The following USP36 variants were observed in gnomAD, a reference collection of about 807,000 sequenced individuals.
USP36 encodes the protein ubiquitin specific peptidase 36.
Under a neutral mutation model 111.5 loss-of-function variants are expected in USP36, and 59 were observed. That is an observed-to-expected ratio of 0.53 (90% confidence interval 0.43 to 0.66). The LOEUF (loss-of-function observed/expected upper bound fraction) is 0.66. Ranked by LOEUF, USP36 falls within the 30% of genes least tolerant of loss-of-function variation. The probability of loss-of-function intolerance (pLI) is 0.00; values close to 1 mark genes in which losing one functional copy is unlikely to be tolerated. For synonymous variants in USP36, 628 were observed against 581.0 expected, an observed-to-expected ratio of 1.08 and a Z score of -1.16; for missense variants, 1,488 against 1,468.0, an observed-to-expected ratio of 1.01 and a Z score of -0.22.
In USP36 at chr17:78,835,164, A is replaced by G. The variant is rs1402972813; in HGVS notation, c.475+116T>C. ...ATTTAGGTTTCATCAGTTACTATAC[A>G]TTATGAACTACCCTCCTAAATTTGA... On this transcript the variant is annotated intron_variant, in intron 4 of 20. Transcript: ENST00000449938. 5.5e-6 allele frequency: 6 copies of G among 1,081,174 alleles called. No homozygotes were observed. In the East Asian group the frequency reaches 1.3e-4, roughly 23 times the overall value. 67.0% of individuals were successfully genotyped at this position (1,081,174 alleles called of 1,614,324 possible). A position where few individuals can be genotyped will look rare whatever the true frequency, so the allele number is the denominator to read the frequency against.
rs544876731 is a variant in USP36 at position 78,805,950 on chromosome 17, C to T, written c.2216+206G>A. On this transcript the variant is annotated intron_variant, in intron 15 of 20. Coordinates refer to ENST00000449938, the MANE Select transcript of USP36 (RefSeq NM_001385174.1). ...AGACATCAGGACTGCAGAGGCCGAACTGCCTTCACCACCCAAAGCTCCTTT... is the reference window on the plus strand; with the variant it reads ...AGACATCAGGACTGCAGAGGCCGAATTGCCTTCACCACCCAAAGCTCCTTT... Among the ~76,000 whole-genome samples the T allele has an allele frequency of 4.6e-5, 7 of 152,344 alleles. No homozygotes were observed. The South Asian group carries it at 1.5e-3, about 32-fold the overall frequency.
At chr17:78,794,652 G>A (rs1325616135), downstream of USP36, among the ~76,000 whole-genome samples, 1 of 152,106 alleles carries the variant, frequency 6.6e-6, no homozygotes, top group Non-Finnish European at 1.5e-5. Flanking sequence ...TGTCAGGCGC[G>A]GTGGCTCACA....
chr17:78,832,496 G>A lies in USP36; in HGVS notation c.475+2784C>T, dbSNP rs149205576. The stretch of plus-strand genomic sequence containing the variant: ...ACCGGTATTGGAAGGAAGACCAGGC[G>A]TTCCCCTTGAAGGGATGGCCATGGC... On this transcript the variant is annotated intron_variant, in intron 4 of 20. Transcript: ENST00000449938. Among the ~76,000 whole-genome samples, 184 of 152,330 alleles carry A rather than the reference G, an allele frequency of 1.2e-3. 1 individual carries two copies. The highest frequency in any genetic ancestry group is 7.7e-4 in the East Asian group (4 of 5,186).
chr17:78,830,959 G>A (rs576353872), intron 4 of USP36, among the ~76,000 whole-genome samples: 1 of 152,046 alleles, frequency 6.6e-6, no homozygotes, highest in South Asian at 2.1e-4. Context: ...AGATGCAGTG[G>A]CTCACGCCTG....
At chr17:78,832,631 C>A (rs1336924209) in intron 4 of USP36, among the ~76,000 whole-genome samples, 1 of 152,148 alleles carries the variant, frequency 6.6e-6, no homozygotes, top group Non-Finnish European at 1.5e-5. Flanking sequence ...TTAATCCTCA[C>A]AAAGTTGGCA....
chr17:78,812,265 G>A lies in USP36; in HGVS notation c.1407+595C>T, dbSNP rs72849522. Among the ~76,000 whole-genome samples the A allele has an allele frequency of 3.8e-3, 575 of 152,256 alleles. 6 individuals carry two copies. The highest frequency in any genetic ancestry group is 4.5e-3 in the Non-Finnish European group (304 of 68,022). ...AAAGTTTGCTTGGCACACCTGTCAC[G>A]ACACCTGTAAGTGGTGCTGGTCTCA... On this transcript the variant is annotated intron_variant, in intron 13 of 20. Coordinates refer to ENST00000449938, the MANE Select transcript of USP36 (RefSeq NM_001385174.1).
chr17:78,811,130 CAAAAAA>C (rs969048033), intron 13 of USP36, among the ~76,000 whole-genome samples: 1 of 28,350 alleles, frequency 3.5e-5, no homozygotes, highest in African/African-American at 1.3e-4. Flanking sequence ...GACTCTGTCT[CAAAAAA>C]AAAAAAAAAA....
rs1366202544 is a variant in USP36, at chr17:78,798,327, C to A, written c.*20+73G>T. ...TACATCATACACACACGCCACACCC[C>A]ACCACACCCCTACACACATACACGG... On this transcript the variant is annotated intron_variant, in intron 20 of 20. Coordinates refer to ENST00000449938, the MANE Select transcript of USP36 (RefSeq NM_001385174.1). This position sits in a 1 kb window ranked among gnomAD's most constrained non-coding sequence, Gnocchi z 5.1. 2.6e-6 allele frequency: 4 copies of A among 1,566,996 alleles called. No individual in the cohort carries two copies. The African/African-American group carries it at 5.4e-5, about 21-fold the overall frequency.
Position 78,802,315 on chromosome 17 carries a change from G to A in USP36, c.3022+9C>T, listed in dbSNP as rs768965584. The A allele has an allele frequency of 2.6e-5, 36 of 1,378,054 alleles. No individual in the cohort carries two copies. The Middle Eastern group carries it at 8.6e-4, about 33-fold the overall frequency. 85.4% of individuals were successfully genotyped at this position (1,378,054 alleles called of 1,614,324 possible). On this transcript the variant is annotated intron_variant, in intron 17 of 20. Transcript: ENST00000449938. ...CCATGCGGTTCCCACCCCCTCGCCC[G>A]GTGCATACCCATGCGGTCCCCAGGA...
At chr17:78,826,467 T>A (rs147614171) in intron 6 of USP36, 1 of 152,368 alleles carries the variant, frequency 6.6e-6, no homozygotes, top group African/African-American at 2.4e-5. Context: ...TTTCTTTCTG[T>A]AAGTCTTATT....
chr17:78,805,122 C>A (rs1001996023), intron 15 of USP36, among the ~76,000 whole-genome samples: 1 of 152,146 alleles, frequency 6.6e-6, no homozygotes, highest in Non-Finnish European at 1.5e-5. Context: ...TCTGAACCAC[C>A]ATGTTCTCAT....
chr17:78,809,819 T>C (rs2094005066), intron 13 of USP36, among the ~76,000 whole-genome samples: 1 of 152,044 alleles, frequency 6.6e-6, no homozygotes, highest in African/African-American at 2.4e-5. Flanking sequence ...GATGGGGTTT[T>C]GGAGATGGGG....
chr17:78,793,803 A>T (rs1299903849), downstream of USP36, among the ~76,000 whole-genome samples: 2 of 152,050 alleles, frequency 1.3e-5, no homozygotes, highest in Non-Finnish European at 2.9e-5. Flanking sequence ...ACAGATGCCC[A>T]CCTGATTCCC....
intron 15 of USP36, among the ~76,000 whole-genome samples, chr17:78,805,910 A>G (rs1230580998): frequency 1.3e-5 from 2 of 152,164 alleles, no homozygotes; most frequent in African/African-American, 2.4e-5. Flanking sequence ...CAGACCACCA[A>G]CAAAGACAGA....
At chr17:78,818,230 T>C (rs548666543) in intron 10 of USP36, among the ~76,000 whole-genome samples, 122 of 152,280 alleles carry the variant, frequency 8.0e-4, no homozygotes, top group Admixed American at 3.1e-3. Context: ...CACCGCCCAG[T>C]GCTCATCACA....
chr17:78,802,256 C>T (rs2093768529), intron 17 of USP36, 68 bp downstream of exon 17: 2 of 1,480,984 alleles, frequency 1.4e-6, no homozygotes, highest in Non-Finnish European at 9.0e-7. Flanking sequence ...GGTGCACACC[C>T]ATGCGGTCCC....
intron 7 of USP36, among the ~76,000 whole-genome samples, chr17:78,821,684 T>C (rs930891295): frequency 3.3e-5 from 5 of 151,918 alleles, no homozygotes; most frequent in African/African-American, 7.2e-5. Flanking sequence ...GTGATCCTCC[T>C]GCCTCGGCCT....
rs750429683 is a variant in USP36 at position 78,806,223 on chromosome 17, C to T, written c.2149G>A (p.Asp717Asn). 28 of 1,613,382 alleles carry T rather than the reference C, an allele frequency of 1.7e-5. No individual in the cohort carries two copies. The highest frequency in any genetic ancestry group is 2.2e-5 in the South Asian group (2 of 91,050). ...GAGGTTTTCATGGGGTGGGTGAGGT[C>T]GGAGGATGGTGAGGGGGGAGGTGGA... ...LRPPPPSPSS[D>N]LTHPMKTSHP... Residue 717 changes from aspartate to asparagine, a missense_variant, in exon 15 of 21, where the codon GAC becomes AAC. Physicochemically the swap from Asp to Asn is conservative, Grantham distance 23. Around this residue, in one of 3 missense-constraint regions of USP36, gnomAD observed 1,073 missense variants for 994.1 expected, o/e 1.08. Coordinates refer to ENST00000449938, the MANE Select transcript of USP36 (RefSeq NM_001385174.1).
At chr17:78,819,001 A>C (rs2094253962) in intron 9 of USP36, 4 of 466,192 alleles carry the variant, frequency 8.6e-6, no homozygotes, top group Middle Eastern at 6.2e-4. Flanking sequence ...AAGATTCTAA[A>C]GCAAAAAAAT....
Sources: allele counts gnomAD v4.1 joint callset (sites outside exome capture counted in the v4.1 genomes callset), GRCh38; gene constraint gnomAD v4.1.1; regional missense constraint gnomAD v4.1.1; non-coding constraint Gnocchi (gnomAD v3.1); transcripts MANE v1.5; gene names NCBI Gene and HGNC (gene_info 2026-07-23, HGNC 2026-07-21).